HERC1: variants seen among roughly 807,000 people sequenced by gnomAD.
HERC1 encodes probable E3 ubiquitin-protein ligase HERC1.
HERC1 carries 160 observed loss-of-function variants against 554.3 expected under a neutral mutation model. That is an observed-to-expected ratio of 0.29 (90% CI 0.25 to 0.33). HERC1 has a LOEUF of 0.33. Among genes scored for constraint, HERC1 ranks in the 10% least tolerant of loss-of-function variants. The pLI, the probability that HERC1 is intolerant of heterozygous loss-of-function variation, is 1.00. For synonymous variants in HERC1, 2,175 were observed against 2,131.7 expected (o/e 1.02, Z -0.56); for missense variants, 4,919 against 5,918.5 (o/e 0.83, Z 5.54).
In HERC1 at chr15:63,755,275, C is replaced by A. The variant is rs369849810; in HGVS notation, c.1584G>T (p.Glu528Asp). ...AGYRHSAAVTEDGELYTWGEG... is the reference protein window; with the variant it reads ...AGYRHSAAVTDDGELYTWGEG... ...CACCCCATGTGTATAATTCCCCATCCTCTGTGACAGCAGCACTATGTCTGT... is the reference window on the plus strand; with the variant it reads ...CACCCCATGTGTATAATTCCCCATCATCTGTGACAGCAGCACTATGTCTGT... The change falls in exon 6 of 78, where the codon GAG becomes GAT. Residue 528 changes from glutamate to aspartate, a missense_variant. Physicochemically the swap from Glu to Asp is conservative, Grantham distance 45. Around this residue, in one of 11 missense-constraint regions of HERC1, gnomAD observed 744 missense variants for 1,090.0 expected, o/e 0.68. Coordinates refer to ENST00000443617, the MANE Select transcript of HERC1 (RefSeq NM_003922.4). The A allele has an allele frequency of 6.2e-7, 1 of 1,613,802 alleles. No individual in the cohort carries two copies. The highest frequency in any genetic ancestry group is 1.3e-5 in the African/African-American group (1 of 74,930).
Position 63,725,554 on chromosome 15 carries a change from C to T in HERC1, c.3347-41G>A, listed in dbSNP as rs759087630. The T allele has an allele frequency of 3.3e-6, 5 of 1,507,500 alleles. No homozygotes were observed. The Admixed American group carries it at 7.0e-5, about 21-fold the overall frequency. 93.4% of individuals were successfully genotyped at this position (1,507,500 alleles called of 1,614,324 possible). On this transcript the variant is annotated intron_variant, in intron 17 of 77. Coordinates refer to ENST00000443617, the MANE Select transcript of HERC1 (RefSeq NM_003922.4). ...TTAGTTATTGTGTCTTTATCTGGTA[C>T]TTTTAAGATTCAAAATATTTCTCAT...
chr15:63,663,257 A>G, intron 43 of HERC1, 53 bp from the exon 44 acceptor site: 2 of 1,490,544 alleles, frequency 1.3e-6, no homozygotes, highest in Non-Finnish European at 1.9e-6. Flanking sequence ...ATAATTCTGA[A>G]TATTTCGCCA....
At chr15:63,625,107 T>A (rs1249865640) in intron 71 of HERC1, among the ~76,000 whole-genome samples, 1 of 152,162 alleles carries the variant, frequency 6.6e-6, no homozygotes, top group Non-Finnish European at 1.5e-5. Context: ...AGCAGTGATT[T>A]GTCAAATCTC....
chr15:63,609,405 GC>G, intron 77 of HERC1, 139 bp from the exon 78 acceptor site: 1 of 764,104 alleles, frequency 1.3e-6, no homozygotes, highest in Non-Finnish European at 2.0e-6. Context: ...CAGAGACTGG[GC>G]CAGATAGAAT....
In HERC1 at chr15:63,677,950, C is replaced by T. The variant is rs374367917; in HGVS notation, c.6965G>A (p.Arg2322Gln). ...GCGCCCAGTTTGCTTGTGAACACAC[C>T]GACCTCCAACTCTAAGACCAGCATC... Reference protein sequence around the residue: ...GVDAGLRVGGRCVHKQTGRHA... With the variant: ...GVDAGLRVGGQCVHKQTGRHA... The change falls in exon 37 of 78, where the codon CGG becomes CAG. Residue 2322 changes from arginine to glutamine, a missense_variant. Physicochemically the swap from Arg to Gln is conservative, Grantham distance 43 (BLOSUM62 1). Transcript: ENST00000443617. The surrounding 1 kb of genome is among the most constrained non-coding windows in gnomAD (Gnocchi z 4.4). 60 of 1,613,860 alleles carry T rather than the reference C, an allele frequency of 3.7e-5. No homozygotes were observed. The highest frequency in any genetic ancestry group is 4.8e-5 in the Non-Finnish European group (57 of 1,179,890).
intron 2 of HERC1, among the ~76,000 whole-genome samples, chr15:63,765,616 C>A (rs2075750341): frequency 6.6e-6 from 1 of 152,136 alleles, no homozygotes; most frequent in Admixed American, 6.6e-5. Flanking sequence ...CCCACACATT[C>A]CACTAACTCT....
At chr15:63,812,794 C>T (rs1024591238) in intron 1 of HERC1, among the ~76,000 whole-genome samples, 5 of 151,716 alleles carry the variant, frequency 3.3e-5, no homozygotes, top group South Asian at 2.1e-4. Flanking sequence ...AAATAATAAA[C>T]GAAAAAATTA....
At chr15:63,748,225 CA>C (rs952540086) in intron 10 of HERC1, among the ~76,000 whole-genome samples, 1 of 151,800 alleles carries the variant, frequency 6.6e-6, no homozygotes, top group Non-Finnish European at 1.5e-5. Context: ...GACTCCATCT[CA>C]AAAAATATAT....
intron 1 of HERC1, among the ~76,000 whole-genome samples, chr15:63,815,362 T>C (rs2077459295): frequency 1.3e-5 from 2 of 152,234 alleles, no homozygotes; most frequent in East Asian, 3.8e-4. Flanking sequence ...GCTATGTCAC[T>C]AACTCTGCAA....
At chr15:63,780,256 C>T (rs549063542) in intron 1 of HERC1, among the ~76,000 whole-genome samples, 12 of 152,116 alleles carry the variant, frequency 7.9e-5, no homozygotes, top group African/African-American at 2.7e-4. Context: ...TTTGTGATTA[C>T]TATGAATGGA....
At chr15:63,707,457 T>C (rs2073067270) in intron 24 of HERC1, among the ~76,000 whole-genome samples, 2 of 152,248 alleles carry the variant, frequency 1.3e-5, no homozygotes, top group South Asian at 4.1e-4. Context: ...TTCTGTGTGT[T>C]ACCTGTGTAT....
chr15:63,821,134 T>G (rs554805812), intron 1 of HERC1, among the ~76,000 whole-genome samples: 1 of 152,270 alleles, frequency 6.6e-6, no homozygotes, highest in Admixed American at 6.5e-5. Context: ...AAGAATTACT[T>G]GAACTAGCCA....
chr15:63,621,573 C>G (rs1399639868), intron 74 of HERC1, among the ~76,000 whole-genome samples: 1 of 152,098 alleles, frequency 6.6e-6, no homozygotes, highest in African/African-American at 2.4e-5. Context: ...CTCCTGGATA[C>G]TATCCTGCAG....
At chr15:63,635,028 TA>T (rs1009151971) in intron 65 of HERC1, 140 bp from the exon 66 acceptor site, 4 of 580,628 alleles carry the variant, frequency 6.9e-6, no homozygotes, top group Non-Finnish European at 8.4e-6. Flanking sequence ...CCAATGCTTT[TA>T]AAAATTTTTT....
chr15:63,828,789 T>C (rs2078027573), intron 1 of HERC1, among the ~76,000 whole-genome samples: 1 of 152,112 alleles, frequency 6.6e-6, no homozygotes, highest in Non-Finnish European at 1.5e-5. Context: ...ACTTAATGCA[T>C]TAGGGATGAA....
At position 63,677,335 on chromosome 15, in the gene HERC1, A is replaced by G. The variant is rs1481266913; in HGVS notation, c.7070+510T>C. ...AATGTAACTTTCACATCTAATCAAAATGTTTACATTGAGGGGATAGAAATA... is the reference window on the plus strand; with the variant it reads ...AATGTAACTTTCACATCTAATCAAAGTGTTTACATTGAGGGGATAGAAATA... On this transcript the variant is annotated intron_variant, in intron 37 of 77. Transcript: ENST00000443617. This position sits in a 1 kb window ranked among gnomAD's most constrained non-coding sequence, Gnocchi z 4.4. Among the ~76,000 whole-genome samples, 1 of 152,234 alleles carries G rather than the reference A, an allele frequency of 6.6e-6. No individual in the cohort carries two copies. The highest frequency in any genetic ancestry group is 2.4e-5 in the African/African-American group (1 of 41,472).
intron 1 of HERC1, among the ~76,000 whole-genome samples, chr15:63,818,532 T>C (rs1361002516): frequency 6.6e-6 from 1 of 152,196 alleles, no homozygotes; most frequent in Non-Finnish European, 1.5e-5. Flanking sequence ...ATTCACCAAT[T>C]TCTTAGATTT....
intron 42 of HERC1, 119 bp downstream of exon 42, chr15:63,665,800 C>T: frequency 1.4e-6 from 1 of 699,964 alleles, no homozygotes; most frequent in Non-Finnish European, 2.3e-6. Context: ...CCCATCTTTT[C>T]ATATAACTAT....
rs1351005134 is a variant in HERC1 at position 63,649,775 on chromosome 15, TCAA to T, written c.10694_10696del (p.Val3565del). The T allele has an allele frequency of 1.2e-6, 2 of 1,613,650 alleles. No individual in the cohort carries two copies. The highest frequency in any genetic ancestry group is 3.3e-5 in the Admixed American group (2 of 59,988). Reference sequence around the variant, plus strand: ...TTCTCGACGGTGCATGGTGGACACATCAACAACTTCAATCAGTCCCAGAGATCC... The same window carrying T: ...TTCTCGACGGTGCATGGTGGACACATCAACTTCAATCAGTCCCAGAGATCC... On this transcript the variant is annotated inframe_deletion, in exon 54 of 78. Coordinates refer to ENST00000443617, the MANE Select transcript of HERC1 (RefSeq NM_003922.4).
Sources: gnomAD v4.1 joint callset for allele counts (sites outside exome capture counted in the v4.1 genomes callset) on GRCh38, gnomAD v4.1.1 for gene constraint, gnomAD v4.1.1 regional missense constraint, Gnocchi (gnomAD v3.1) non-coding constraint, MANE v1.5 for transcripts, NCBI Gene and HGNC (gene_info 2026-07-23, HGNC 2026-07-21) for gene names.